E2F4: variants seen among roughly 807,000 people sequenced by gnomAD.
The protein encoded by E2F4 is E2F transcription factor 4.
A neutral mutation model predicts 44.5 loss-of-function variants in E2F4; 16 were observed. The observed-to-expected ratio is 0.36, with a 90% CI of 0.24 to 0.55. The LOEUF is 0.55. Among genes scored for constraint, E2F4 ranks in the 20% least tolerant of loss-of-function variants. The pLI, the probability that E2F4 is intolerant of heterozygous loss-of-function variation, is 0.87. For synonymous variants in E2F4, 242 were observed against 207.2 expected (o/e 1.17, Z -1.44); for missense variants, 473 against 522.1 (o/e 0.91, Z 0.92).
chr16:67,195,008 A>G (rs769330028), intron 6 of E2F4, 28 bp downstream of exon 6: 1 of 1,599,742 alleles, frequency 6.3e-7, no homozygotes, highest in East Asian at 2.2e-5. Context: ...CTTGTGACAG[A>G]GGCCCAAGAG....
rs529873809 is a variant in E2F4 at position 67,197,784 on chromosome 16, C to T, written c.1082-83C>T. On this transcript the variant is annotated intron_variant, in intron 8 of 9. Transcript: ENST00000379378. ...GGCAAAGGGTGAAGTTCCTGATGGG[C>T]AGGTGGGGTTCCCTTTCCTGGGCTT... 4.4e-6 allele frequency: 7 copies of T among 1,605,620 alleles called. No homozygotes were observed. The South Asian group carries it at 7.7e-5, about 18-fold the overall frequency.
At chr16:67,196,106 A>G (rs2032966062) in intron 7 of E2F4, 100 bp downstream of exon 7, 2 of 1,535,004 alleles carry the variant, frequency 1.3e-6, no homozygotes, top group African/African-American at 1.4e-5. Context: ...TCTCCTGTCA[A>G]CCCTGCTGGA....
intron 7 of E2F4, among the ~76,000 whole-genome samples, chr16:67,196,687 C>T (rs544344464): frequency 6.6e-6 from 1 of 152,334 alleles, no homozygotes; most frequent in Admixed American, 6.5e-5. Flanking sequence ...CGGTGTCCAC[C>T]TGCCGTCCTG....
At chr16:67,196,912 C>T (rs1390148674) in intron 7 of E2F4, among the ~76,000 whole-genome samples, 5 of 152,160 alleles carry the variant, frequency 3.3e-5, no homozygotes, top group Admixed American at 2.0e-4. Context: ...CCCCTCCTAT[C>T]CTCTGGTATC....
chr16:67,198,000 C>G lies in E2F4; in HGVS notation c.1127-8C>G, dbSNP rs868021314. On this transcript the variant is annotated splice_polypyrimidine_tract_variant and splice_region_variant and intron_variant, in intron 9 of 9. Coordinates refer to ENST00000379378, the MANE Select transcript of E2F4 (RefSeq NM_001950.4). ...TGGCCCAGGGCCTGAGACTAGTGCTCTCTGCAGTGTTTGCCCCTCTGCTTC... is the reference window on the plus strand; with the variant it reads ...TGGCCCAGGGCCTGAGACTAGTGCTGTCTGCAGTGTTTGCCCCTCTGCTTC... 3.1e-6 allele frequency: 5 copies of G among 1,613,968 alleles called. No individual in the cohort carries two copies. The highest frequency in any genetic ancestry group is 2.7e-5 in the African/African-American group (2 of 74,910).
Position 67,198,140 on chromosome 16 carries a change from C to A in E2F4, c.*17C>A, listed in dbSNP as rs758630000. 6.2e-6 allele frequency: 10 copies of A among 1,608,696 alleles called. No homozygotes were observed. ...AACCTCTGACTGACAGGGACATGCC[C>A]TGTGTGGCTGGGACCCAGACTGTCT... On this transcript the variant is annotated 3_prime_UTR_variant, in exon 10 of 10. Coordinates refer to ENST00000379378, the MANE Select transcript of E2F4 (RefSeq NM_001950.4).
rs946181791 is a variant in E2F4, at chr16:67,198,201, C to G, written c.*78C>G. On this transcript the variant is annotated 3_prime_UTR_variant, in exon 10 of 10. Transcript: ENST00000379378. ...TTGCCTGGGGACCTCTCCCACCCGACCCCTACAGAGCTTGAGAGCCACAGA... is the reference window on the plus strand; with the variant it reads ...TTGCCTGGGGACCTCTCCCACCCGAGCCCTACAGAGCTTGAGAGCCACAGA... 78 of 1,310,508 alleles carry G rather than the reference C, an allele frequency of 6.0e-5. No homozygotes were observed. Among genetic ancestry groups the G allele is most frequent in the Non-Finnish European group, 8.2e-5 (75 of 915,572 alleles). The allele number at this position is 1,310,508 out of a possible 1,614,324, so 81.2% of individuals were successfully genotyped here. A position where few individuals can be genotyped will look rare whatever the true frequency, so the allele number is the denominator to read the frequency against.
intron 4 of E2F4, 62 bp from the exon 5 acceptor site, chr16:67,194,336 C>A: frequency 6.4e-7 from 1 of 1,573,832 alleles, no homozygotes. Context: ...AAAAGGCAGG[C>A]ACCTCTGTTC....
chr16:67,196,856 TCTG>T (rs1485689795), intron 7 of E2F4, among the ~76,000 whole-genome samples: 4 of 152,238 alleles, frequency 2.6e-5, no homozygotes, highest in East Asian at 1.9e-4. Flanking sequence ...CCCTCCTCCT[TCTG>T]CTGCCCACCC....
chr16:67,193,873 C>T, intron 4 of E2F4: 1 of 325,302 alleles, frequency 3.1e-6, no homozygotes, highest in South Asian at 5.6e-5. Context: ...GTGCCCACTT[C>T]CAACTTGTTA....
chr16:67,197,789 G>A, intron 8 of E2F4, 78 bp from the exon 9 acceptor site: 1 of 1,607,786 alleles, frequency 6.2e-7, no homozygotes, highest in South Asian at 1.1e-5. Flanking sequence ...ATGGGCAGGT[G>A]GGGTTCCCTT....
intron 3 of E2F4, 120 bp from the exon 4 acceptor site, chr16:67,193,352 T>C: frequency 1.3e-6 from 2 of 1,497,876 alleles, no homozygotes; most frequent in South Asian, 1.1e-5. Flanking sequence ...CCGGTGGACC[T>C]GAGTCCCCAG....
intron 8 of E2F4, 28 bp from the exon 9 acceptor site, chr16:67,197,838 GT>G: frequency 6.2e-7 from 1 of 1,614,078 alleles, no homozygotes; most frequent in Non-Finnish European, 8.5e-7. Flanking sequence ...GAGCTGGAAT[GT>G]TAGTAACTGA....
At chr16:67,195,134 T>G (rs192621438) in intron 6 of E2F4, among the ~76,000 whole-genome samples, 154 bp downstream of exon 6, 82 of 152,328 alleles carry the variant, frequency 5.4e-4, no homozygotes, top group African/African-American at 1.9e-3. Context: ...GAATGAGCCT[T>G]TTTTGTTTTT....
Position 67,195,926 on chromosome 16 carries a change from G to GCAGCAA in E2F4, c.957_962dup (p.Asn322_Ser323dup), listed in dbSNP as rs777523089. On this transcript the variant is annotated inframe_insertion, in exon 7 of 10. Transcript: ENST00000379378. ...AGCAGCAGCAGCAGCAGCAGCAGCA[G>GCAGCAA]CAGCAACAGTAACAGCAGCAGTTCG... 23 of 1,611,900 alleles carry GCAGCAA rather than the reference G, an allele frequency of 1.4e-5. No homozygotes were observed. The highest frequency in any genetic ancestry group is 6.7e-5 in the East Asian group (3 of 44,824).
chr16:67,192,416 G>A, intron 1 of E2F4, 54 bp downstream of exon 1: 1 of 1,409,368 alleles, frequency 7.1e-7, no homozygotes, highest in African/African-American at 1.4e-5. Flanking sequence ...GGCCTGGGCC[G>A]GTAGCGGGAA....
At chr16:67,192,583 T>C in intron 1 of E2F4, 178 bp from the exon 2 acceptor site, 1 of 953,870 alleles carries the variant, frequency 1.0e-6, no homozygotes, top group Non-Finnish European at 1.5e-6. Context: ...CTCGTGGCCC[T>C]TCCTGGCTGG....
In E2F4 at chr16:67,198,206, A is replaced by G. The variant is rs1316362871; in HGVS notation, c.*83A>G. The stretch of plus-strand genomic sequence containing the variant: ...TGGGGACCTCTCCCACCCGACCCCT[A>G]CAGAGCTTGAGAGCCACAGACGCCT... On this transcript the variant is annotated 3_prime_UTR_variant, in exon 10 of 10. Coordinates refer to ENST00000379378, the MANE Select transcript of E2F4 (RefSeq NM_001950.4). 1 of 1,265,880 alleles carries G rather than the reference A, an allele frequency of 7.9e-7. No individual in the cohort carries two copies. Among genetic ancestry groups the G allele is most frequent in the Admixed American group, 1.7e-5 (1 of 58,946 alleles). The allele number at this position is 1,265,880 out of a possible 1,614,324, so 78.4% of individuals were successfully genotyped here.
intron 8 of E2F4, 64 bp downstream of exon 8, chr16:67,197,710 T>C (rs1281650083): frequency 2.9e-5 from 47 of 1,604,120 alleles, no homozygotes; most frequent in Non-Finnish European, 3.8e-5. Context: ...GTCCTATGGC[T>C]GTTTTCTTGC....
Sources: gnomAD v4.1 joint callset for allele counts (sites outside exome capture counted in the v4.1 genomes callset) on GRCh38, gnomAD v4.1.1 for gene constraint, MANE v1.5 for transcripts, NCBI Gene and HGNC (gene_info 2026-07-23, HGNC 2026-07-21) for gene names.